CFAP43: variants seen among roughly 807,000 people sequenced by gnomAD.
CFAP43 encodes the protein cilia and flagella associated protein 43, also known as cilia- and flagella-associated protein 43.
In CFAP43, 155 loss-of-function variants were observed where a neutral mutation model predicts 218.9. The observed-to-expected ratio is 0.71, with a 90% CI of 0.62 to 0.81. The LOEUF (loss-of-function observed/expected upper bound fraction) is 0.81. CFAP43 is among the 30% of genes least tolerant of loss of function. CFAP43 has a pLI of 0.00. For synonymous variants in CFAP43, 645 were observed against 681.3 expected (o/e 0.95, Z 0.83); for missense variants, 1,778 against 1,954.3 (o/e 0.91, Z 1.70).
At chr10:104,219,611 G>A (rs148082393) in intron 3 of CFAP43, among the ~76,000 whole-genome samples, 166 of 152,182 alleles carry the variant, frequency 1.1e-3, no homozygotes, top group East Asian at 2.3e-3. Flanking sequence ...GTATGCCTAG[G>A]AGAAACCCAG....
rs148499615 is a variant in CFAP43 at position 104,166,675 on chromosome 10, A to G, written c.2852T>C (p.Ile951Thr). 7.9e-5 allele frequency: 128 copies of G among 1,613,968 alleles called. No homozygotes were observed. In the African/African-American group the frequency reaches 1.4e-3, roughly 17 times the overall value. The stretch of plus-strand genomic sequence containing the variant: ...ATCATCCTCTTCATGACGCTGTTTA[A>G]TCAACTTAACTCCAGACTGAGCCTC... ...IVEAQSGVKL[I>T]KQRHEEDDEE... Residue 951 changes from isoleucine (I) to threonine (T), a missense_variant, in exon 23 of 38, where the codon ATT becomes ACT. Coordinates refer to ENST00000357060, the MANE Select transcript of CFAP43 (RefSeq NM_025145.7).
chr10:104,130,414 A>G, intron 37 of CFAP43, 109 bp from the exon 38 acceptor site: 1 of 1,236,930 alleles, frequency 8.1e-7, no homozygotes. Flanking sequence ...AAAAAGGCAT[A>G]TGCACTTGTA....
chr10:104,153,628 A>C (rs942282250), intron 27 of CFAP43, among the ~76,000 whole-genome samples: 13 of 152,220 alleles, frequency 8.5e-5, no homozygotes, highest in Admixed American at 3.9e-4. Flanking sequence ...TTTATCTTTA[A>C]ATTTGTTTGC....
chr10:104,201,727 T>C (rs61169608), intron 8 of CFAP43, among the ~76,000 whole-genome samples: 15,245 of 152,044 alleles, frequency 0.1, 819 homozygotes, highest in Middle Eastern at 0.18. Context: ...ACTGTACATC[T>C]TCTACAATGT....
At chr10:104,175,537 G>A in intron 19 of CFAP43, among the ~76,000 whole-genome samples, 1 of 152,158 alleles carries the variant, frequency 6.6e-6, no homozygotes, top group East Asian at 1.9e-4. Context: ...GTCAAAAGGG[G>A]CATTTGTAGA....
At chr10:104,160,792 A>C (rs1275304630) in intron 27 of CFAP43, among the ~76,000 whole-genome samples, 2 of 152,234 alleles carry the variant, frequency 1.3e-5, no homozygotes, top group East Asian at 3.8e-4. Context: ...ATGAATTGTA[A>C]TGACACGGGA....
At chr10:104,185,677 CTG>C (rs878873851) in intron 15 of CFAP43, among the ~76,000 whole-genome samples, 4 of 152,306 alleles carry the variant, frequency 2.6e-5, no homozygotes, top group Admixed American at 2.6e-4. Context: ...AATTTAAAAA[CTG>C]AGATTTCTGA....
At chr10:104,167,576 T>TA (rs1467501867) in intron 22 of CFAP43, 45 bp downstream of exon 22, 1 of 1,442,050 alleles carries the variant, frequency 6.9e-7, no homozygotes, top group Admixed American at 2.3e-5. Flanking sequence ...GACTCTAAAA[T>TA]AAAGCACATC....
chr10:104,232,060 G>A (rs2091463927), intron 1 of CFAP43, 122 bp downstream of exon 1: 2 of 1,115,678 alleles, frequency 1.8e-6, no homozygotes, highest in Non-Finnish European at 2.5e-6. Context: ...GGGGCAGAGG[G>A]GAAGAGGTCG....
intron 10 of CFAP43, among the ~76,000 whole-genome samples, chr10:104,195,915 C>T (rs1049046247): frequency 3.3e-5 from 5 of 152,226 alleles, no homozygotes; most frequent in Non-Finnish European, 4.4e-5. Context: ...ATGAATCTAA[C>T]TCCCATTTCC....
chr10:104,229,324 G>T (rs1014188779), intron 2 of CFAP43, among the ~76,000 whole-genome samples: 1 of 152,082 alleles, frequency 6.6e-6, no homozygotes, highest in Non-Finnish European at 1.5e-5. Flanking sequence ...TCCAGCAGAC[G>T]TGCAGCAGCT....
chr10:104,229,901 A>G (rs1244072530), intron 2 of CFAP43, among the ~76,000 whole-genome samples: 1 of 152,188 alleles, frequency 6.6e-6, no homozygotes, highest in Non-Finnish European at 1.5e-5. Context: ...AGGAAAGAAA[A>G]AAAAGTCATT....
In CFAP43 at chr10:104,209,727, CAT is replaced by C. The variant is rs564152265; in HGVS notation, c.736-1905_736-1904del. 1.6e-4 allele frequency among the ~76,000 whole-genome samples: 25 copies of C among 152,284 alleles called. No individual in the cohort carries two copies. In the South Asian group the frequency reaches 3.7e-3, roughly 23 times the overall value. ...AGGGGCTCTGGCACCAAATACTAAA[CAT>C]AGAAAAATTTGAGTTGCAAACCTTG... On this transcript the variant is annotated intron_variant, in intron 5 of 37. Transcript: ENST00000357060.
At position 104,146,245 on chromosome 10, in the gene CFAP43, T is replaced by C; in HGVS notation, c.3855+18A>G. 1.2e-6 allele frequency: 2 copies of C among 1,604,830 alleles called. No homozygotes were observed. Among genetic ancestry groups the C allele is most frequent in the Non-Finnish European group, 1.7e-6 (2 of 1,171,722 alleles). The stretch of plus-strand genomic sequence containing the variant: ...CAACTCTACTGCATTGTTGAGTGGG[T>C]AAGACAACAACTCTCACTTTGTCTT... On this transcript the variant is annotated intron_variant, in intron 30 of 37. Coordinates refer to ENST00000357060, the MANE Select transcript of CFAP43 (RefSeq NM_025145.7).
chr10:104,213,984 T>C (rs903403397), intron 4 of CFAP43, among the ~76,000 whole-genome samples: 2 of 152,238 alleles, frequency 1.3e-5, no homozygotes, highest in Non-Finnish European at 2.9e-5. Flanking sequence ...AATTAGATCA[T>C]GTTGGAAAAA....
rs754870017 is a variant in CFAP43, at chr10:104,131,479, G to A, written c.4683C>T (p.His1561=). ...EQTIAVLDKM[H]KKNVENCKKL... ...TCTTGCAGTTTTCCACATTCTTTTT[G>A]TGCATCTGAAATTTTTGTTCCCATG... is the stretch of plus-strand genomic sequence containing the variant. Residue 1561 remains histidine, a synonymous_variant, in exon 37 of 38, where the codon CAC becomes CAT. Transcript: ENST00000357060. The A allele has an allele frequency of 1.2e-6, 2 of 1,606,304 alleles. No homozygotes were observed. Among genetic ancestry groups the A allele is most frequent in the Non-Finnish European group, 1.7e-6 (2 of 1,178,036 alleles).
Position 104,147,960 on chromosome 10 carries a change from C to T in CFAP43, c.3699G>A (p.Leu1233=). ...CTCTAGAGCTTAATTCTTCATCCAA[C>T]AATAAAGAAAATGCAAGGTTACTTA... ...LKISNLAFSL[L]LDEELSSREK... Residue 1233 remains leucine, a synonymous_variant, in exon 29 of 38, where the codon TTG becomes TTA. Coordinates refer to ENST00000357060, the MANE Select transcript of CFAP43 (RefSeq NM_025145.7). 6.3e-7 allele frequency: 1 copy of T among 1,594,350 alleles called. No homozygotes were observed. The highest frequency in any genetic ancestry group is 1.1e-5 in the South Asian group (1 of 87,826).
chr10:104,173,754 A>G (rs1285558841), intron 19 of CFAP43, among the ~76,000 whole-genome samples: 1 of 152,224 alleles, frequency 6.6e-6, no homozygotes, highest in Admixed American at 6.5e-5. Flanking sequence ...CTAAAGTCAG[A>G]TCTCCTACAC....
intron 28 of CFAP43, among the ~76,000 whole-genome samples, chr10:104,149,851 A>G (rs1388210857): frequency 2.0e-5 from 3 of 152,208 alleles, no homozygotes; most frequent in African/African-American, 7.2e-5. Flanking sequence ...AGAGTTGTGT[A>G]ACAATCACTA....
Sources: allele counts gnomAD v4.1 joint callset (sites outside exome capture counted in the v4.1 genomes callset), GRCh38; gene constraint gnomAD v4.1.1; transcripts MANE v1.5; gene names NCBI Gene and HGNC (gene_info 2026-07-23, HGNC 2026-07-21).